The following IDUA variants were observed in gnomAD, a reference collection of about 807,000 sequenced individuals.
The protein encoded by IDUA is iduronidase alpha-L-.
In IDUA, 65 loss-of-function variants were observed where a neutral mutation model predicts 68.9. The ratio of observed to expected loss-of-function variants is 0.94; its 90% confidence interval spans 0.77 to 1.16. The LOEUF (loss-of-function observed/expected upper bound fraction) is 1.16, where lower values mean the gene tolerates loss of function less well. Ranked by LOEUF, IDUA falls within the 50% of genes most tolerant of loss-of-function variation. IDUA has a pLI of 0.00. For missense variants in IDUA, 1,046 were observed against 938.0 expected, an observed-to-expected ratio of 1.12 and a Z score of -1.50; for synonymous variants, 529 against 433.6, an observed-to-expected ratio of 1.22 and a Z score of -2.73.
At chr4:997,556 T>G (rs1384110102) in intron 2 of IDUA, among the ~76,000 whole-genome samples, 2 of 151,170 alleles carry the variant, frequency 1.3e-5, no homozygotes, top group Non-Finnish European at 3.0e-5. Flanking sequence ...GAGCCCGTTG[T>G]GCGGCCGCCG....
intron 2 of IDUA, chr4:992,207 G>A (rs529614618): frequency 1.1e-5 from 5 of 458,868 alleles, no homozygotes; most frequent in East Asian, 6.9e-5. Flanking sequence ...CAGCTGCTCC[G>A]TGTCCACCTC....
At chr4:999,012 G>A (rs1379177595) in intron 2 of IDUA, among the ~76,000 whole-genome samples, 1 of 152,030 alleles carries the variant, frequency 6.6e-6, no homozygotes, top group Non-Finnish European at 1.5e-5. Flanking sequence ...AAACCATCCT[G>A]GCTAACATGG....
intron 2 of IDUA, chr4:988,187 G>C (rs755122178): frequency 1.6e-4 from 222 of 1,369,530 alleles, no homozygotes; most frequent in Non-Finnish European, 1.8e-4. Flanking sequence ...GGTTGGCTGC[G>C]CCGCACCTGG....
In IDUA at chr4:1,002,714, C is replaced by CT; in HGVS notation, c.1190-18_1190-17insT. The CT allele has an allele frequency of 3.3e-6, 4 of 1,204,634 alleles. No individual in the cohort carries two copies. The highest frequency in any genetic ancestry group is 4.4e-6 in the Non-Finnish European group (4 of 909,016). The allele number at this position is 1,204,634 out of a possible 1,614,324, so 74.6% of individuals were successfully genotyped here. The stretch of plus-strand genomic sequence containing the variant: ...GGGCAACGACCCCACGCGGCGACGG[C>CT]CCCCCCCCGCCCCGCAGATGAGGAG... On this transcript the variant is annotated splice_polypyrimidine_tract_variant and intron_variant, in intron 8 of 13. Transcript: ENST00000514224.
At chr4:994,211 A>G (rs2153019575) in intron 2 of IDUA, among the ~76,000 whole-genome samples, 1 of 152,276 alleles carries the variant, frequency 6.6e-6, no homozygotes, top group East Asian at 1.9e-4. Context: ...AGGCCTAGAC[A>G]GGAGGATCGC....
At position 1,004,294 on chromosome 4, in the gene IDUA, A is replaced by C. The variant is rs762586; in HGVS notation, c.1863A>C (p.Arg621=). 29 of 1,610,820 alleles carry C rather than the reference A, an allele frequency of 1.8e-5. No homozygotes were observed. In the African/African-American group the frequency reaches 3.6e-4, roughly 20 times the overall value. ...TGAVSGSYRV[R]ALDYWARPGP... Reference sequence around the variant, plus strand: ...CTGTCTCTGGCTCCTACCGAGTTCGAGCCCTGGACTACTGGGCCCGACCAG... The same window carrying C: ...CTGTCTCTGGCTCCTACCGAGTTCGCGCCCTGGACTACTGGGCCCGACCAG... Residue 621 remains arginine (R), a synonymous_variant, in exon 14 of 14, where the codon CGA becomes CGC. Coordinates refer to ENST00000514224, the MANE Select transcript of IDUA (RefSeq NM_000203.5). This position sits in a 1 kb window ranked among gnomAD's most constrained non-coding sequence, Gnocchi z 5.0.
rs1358269760 is a variant in IDUA at position 1,000,928 on chromosome 4, G to T, written c.432G>T (p.Glu144Asp). ...GSASGHFTDF[E>D]DKQQVFEWKD... ...CCTCGGGCCACTTCACTGACTTTGA[G>T]GACAAGCAGCAGGTGTTTGAGTGGA... is the stretch of plus-strand genomic sequence containing the variant. Residue 144 changes from glutamate to aspartate, a missense_variant, in exon 4 of 14, where the codon GAG becomes GAT. Transcript: ENST00000514224. The T allele has an allele frequency of 6.2e-7, 1 of 1,613,430 alleles. No individual in the cohort carries two copies. Among genetic ancestry groups the T allele is most frequent in the Non-Finnish European group, 8.5e-7 (1 of 1,179,976 alleles).
In IDUA at chr4:991,082, G is replaced by T. The variant is rs2290401; in HGVS notation, c.299+3133G>T. ...CCCTCGTGGATGGCCAAAACCTAAG[G>T]GGGGGTGCCCTGGGCCCCTCCCTGT... On this transcript the variant is annotated intron_variant, in intron 2 of 13. Coordinates refer to ENST00000514224, the MANE Select transcript of IDUA (RefSeq NM_000203.5). 6 of 1,503,042 alleles carry T rather than the reference G, an allele frequency of 4.0e-6. No individual in the cohort carries two copies. The South Asian group carries it at 6.8e-5, about 17-fold the overall frequency. The allele number at this position is 1,503,042 out of a possible 1,614,324, so 93.1% of individuals were successfully genotyped here.
chr4:1,004,330 G>A lies in IDUA; in HGVS notation c.1899G>A (p.Ser633=), dbSNP rs546148833. Residue 633 remains serine, a synonymous_variant, in exon 14 of 14, where the codon TCG becomes TCA. Transcript: ENST00000514224. The surrounding 1 kb of genome is among the most constrained non-coding windows in gnomAD (Gnocchi z 5.0). The stretch of plus-strand genomic sequence containing the variant: ...ACTGGGCCCGACCAGGCCCCTTCTC[G>A]GACCCTGTGCCGTACCTGGAGGTCC... ...LDYWARPGPF[S]DPVPYLEVPV... 1.7e-5 allele frequency: 28 copies of A among 1,611,554 alleles called. No homozygotes were observed. The highest frequency in any genetic ancestry group is 4.0e-5 in the African/African-American group (3 of 74,808).
chr4:1,000,734 C>T lies in IDUA; in HGVS notation c.385+37C>T, dbSNP rs769001371. 25 of 1,533,626 alleles carry T rather than the reference C, an allele frequency of 1.6e-5. No individual in the cohort carries two copies. In the Admixed American group the frequency reaches 4.2e-4, roughly 26 times the overall value. ...GCTCTGCCCTCCCAGCCCGCCTGCA[C>T]CCCCTTGCCCTGCCCACCCTCTCCC... On this transcript the variant is annotated intron_variant, in intron 3 of 13. Coordinates refer to ENST00000514224, the MANE Select transcript of IDUA (RefSeq NM_000203.5).
At chr4:987,983 C>G (rs1442084341) in intron 2 of IDUA, 34 bp downstream of exon 2, 1 of 1,543,492 alleles carries the variant, frequency 6.5e-7, no homozygotes, top group Non-Finnish European at 8.8e-7. Flanking sequence ...CGTCCCAGAG[C>G]CCCTTACAGA....
intron 2 of IDUA, among the ~76,000 whole-genome samples, chr4:990,974 C>A (rs1039323534): frequency 8.5e-5 from 13 of 152,204 alleles, no homozygotes; most frequent in African/African-American, 2.7e-4. Flanking sequence ...CCTGGGATGC[C>A]CCGGCACGCC....
intron 2 of IDUA, among the ~76,000 whole-genome samples, chr4:997,730 C>G (rs1027243500): frequency 2.6e-5 from 4 of 152,144 alleles, no homozygotes; most frequent in Admixed American, 2.6e-4. Context: ...CTCTCAAGGC[C>G]CCTCCCAATG....
chr4:999,592 GTCCCC>G (rs1714953316), intron 2 of IDUA: 1 of 152,638 alleles, frequency 6.6e-6, no homozygotes, highest in African/African-American at 2.4e-5. Context: ...GACGACGCCT[GTCCCC>G]TCGGAATGCA....
chr4:989,421 T>C (rs1714041788), intron 2 of IDUA: 3 of 1,556,588 alleles, frequency 1.9e-6, no homozygotes, highest in Non-Finnish European at 2.6e-6. Context: ...TGCGTGGGCG[T>C]TGGGTGCGGC....
Position 1,001,719 on chromosome 4 carries a change from C to A in IDUA, c.630C>A (p.Arg210=). 6.3e-7 allele frequency: 1 copy of A among 1,598,936 alleles called. No individual in the cohort carries two copies. The highest frequency in any genetic ancestry group is 8.5e-7 in the Non-Finnish European group (1 of 1,178,616). ...ACGATGCCTGCTCGGAGGGTCTGCG[C>A]GCCGCCAGCCCCGCCCTGCGGCTGG... is the stretch of plus-strand genomic sequence containing the variant. The part of the protein sequence containing the change: ...NYYDACSEGL[R]AASPALRLGG... The change falls in exon 6 of 14, where the codon CGC becomes CGA. Residue 210 remains arginine (R), a synonymous_variant. Transcript: ENST00000514224.
rs750230093 is a variant in IDUA, at chr4:1,001,852, C to T, written c.763C>T (p.Arg255Trp). 7 of 1,595,918 alleles carry T rather than the reference C, an allele frequency of 4.4e-6. No homozygotes were observed. Among genetic ancestry groups the T allele is most frequent in the South Asian group, 3.4e-5 (3 of 88,884 alleles). Reference protein sequence around the residue: ...TNFFTGEAGVRLDYISLHRKG... With the variant: ...TNFFTGEAGVWLDYISLHRKG... Reference sequence around the variant, plus strand: ...CTTCTTCACTGGGGAGGCGGGCGTGCGGCTGGACTACATCTCCCTCCACAG... The same window carrying T: ...CTTCTTCACTGGGGAGGCGGGCGTGTGGCTGGACTACATCTCCCTCCACAG... Residue 255 changes from arginine (R) to tryptophan (W), a missense_variant, in exon 6 of 14, where the codon CGG (arginine) becomes TGG (tryptophan). Transcript: ENST00000514224.
Position 987,964 on chromosome 4 carries a change from G to A in IDUA, c.299+15G>A, listed in dbSNP as rs1350564735. The A allele has an allele frequency of 7.1e-6, 11 of 1,557,348 alleles. 1 individual carries two copies. Among genetic ancestry groups the A allele is most frequent in the East Asian group, 2.4e-5 (1 of 41,644 alleles). On this transcript the variant is annotated intron_variant, in intron 2 of 13. Coordinates refer to ENST00000514224, the MANE Select transcript of IDUA (RefSeq NM_000203.5). Reference sequence around the variant, plus strand: ...GTCACCACCAGGTGGGCGGCGGGCAGGGTCTGGGCGTCCCAGAGCCCCTTA... The same window carrying A: ...GTCACCACCAGGTGGGCGGCGGGCAAGGTCTGGGCGTCCCAGAGCCCCTTA...
At position 1,002,962 on chromosome 4, in the gene IDUA, G is replaced by A. The variant is rs1294598447; in HGVS notation, c.1402+18G>A. 5 of 1,372,064 alleles carry A rather than the reference G, an allele frequency of 3.6e-6. No homozygotes were observed. Among genetic ancestry groups the A allele is most frequent in the African/African-American group, 3.1e-5 (2 of 65,422 alleles). 85.0% of individuals were successfully genotyped at this position (1,372,064 alleles called of 1,614,324 possible). ...CGGCCCGGGTAAGCCGGGGTTCCAG[G>A]GAGGTCTCTGGCCCCGCTGGGGCTC... is the stretch of plus-strand genomic sequence containing the variant. On this transcript the variant is annotated intron_variant, in intron 9 of 13. Transcript: ENST00000514224.
Sources: gnomAD v4.1 joint callset for allele counts (sites outside exome capture counted in the v4.1 genomes callset) on GRCh38, gnomAD v4.1.1 for gene constraint, Gnocchi (gnomAD v3.1) non-coding constraint, MANE v1.5 for transcripts, NCBI Gene and HGNC (gene_info 2026-07-23, HGNC 2026-07-21) for gene names.